The following RBFOX1 variants were observed in gnomAD, a reference collection of about 807,000 sequenced individuals.
RBFOX1 encodes the protein RNA binding protein fox-1 homolog 1.
A neutral mutation model predicts 57.7 loss-of-function variants in RBFOX1; 8 were observed. The observed-to-expected ratio is 0.14, with a 90% confidence interval of 0.08 to 0.25. The LOEUF is 0.25. Among genes scored for constraint, RBFOX1 ranks in the 10% least tolerant of loss-of-function variants. The pLI is 1.00. For synonymous variants in RBFOX1, 326 were observed against 222.4 expected (o/e 1.47, Z -4.15); for missense variants, 611 against 548.5 (o/e 1.11, Z -1.14).
rs527827643 is a variant in RBFOX1 at position 6,672,440 on chromosome 16, AAG to A, written c.-16+17794_-16+17795del. On this transcript the variant is annotated intron_variant, in intron 3 of 15. Transcript: ENST00000550418. The stretch of plus-strand genomic sequence containing the variant: ...GATGGAAGGAAGGAAAAAGAAAAGA[AAG>A]AGAAAAGAAAGGAAAGGAAGGAAAG... Among the ~76,000 whole-genome samples, 486 of 151,790 alleles carry A rather than the reference AAG, an allele frequency of 3.2e-3. 3 individuals are homozygous for A. In the Middle Eastern group the frequency reaches 0.034, roughly 11 times the overall value.
intron 13 of RBFOX1, among the ~76,000 whole-genome samples, chr16:7,673,467 G>T (rs186430792): frequency 1.3e-5 from 2 of 152,194 alleles, no homozygotes; most frequent in African/African-American, 4.8e-5. Context: ...AGCACTTTGG[G>T]AGGCTGAATT....
At chr16:6,061,229 T>G (rs569440366) in intron 1 of RBFOX1, among the ~76,000 whole-genome samples, 71 of 152,212 alleles carry the variant, frequency 4.7e-4, no homozygotes, top group Middle Eastern at 3.4e-3. Context: ...AGCAATTGAT[T>G]AATAGATCTA....
intron 4 of RBFOX1, among the ~76,000 whole-genome samples, chr16:7,222,019 G>A (rs996465534): frequency 3.9e-5 from 6 of 152,178 alleles, no homozygotes; most frequent in Admixed American, 6.5e-5. Context: ...TTATTAGCCA[G>A]CCTGTCAGTC....
At chr16:6,397,555 T>G (rs185755046) in intron 2 of RBFOX1, among the ~76,000 whole-genome samples, 31 of 152,308 alleles carry the variant, frequency 2.0e-4, no homozygotes, top group Admixed American at 3.9e-4. Flanking sequence ...AAGGGTATCT[T>G]CAGAGTGAAA....
intron 2 of RBFOX1, chr16:6,576,940 C>T (rs1489254099): frequency 6.6e-6 from 1 of 152,176 alleles, no homozygotes. Flanking sequence ...AAAGAACCAC[C>T]CATCTAGGGA....
intron 4 of RBFOX1, among the ~76,000 whole-genome samples, chr16:7,080,028 A>ATGTG (rs2058919265): frequency 9.1e-6 from 1 of 109,586 alleles, no homozygotes; most frequent in African/African-American, 3.0e-5. Flanking sequence ...ATATACGTAT[A>ATGTG]TATGTATATA....
At chr16:7,419,442 C>T (rs1275792675) in intron 4 of RBFOX1, among the ~76,000 whole-genome samples, 2 of 152,230 alleles carry the variant, frequency 1.3e-5, no homozygotes, top group Non-Finnish European at 2.9e-5. Flanking sequence ...CCCGCCTTGG[C>T]GCAATGCAAC....
At chr16:5,365,094 C>T (rs1317915699) in intron 1 of RBFOX1, among the ~76,000 whole-genome samples, 1 of 152,040 alleles carries the variant, frequency 6.6e-6, no homozygotes, top group African/African-American at 2.4e-5. Flanking sequence ...CTTTTAATGA[C>T]CTACTTACTG....
intron 4 of RBFOX1, among the ~76,000 whole-genome samples, chr16:7,325,639 A>G (rs117440288): frequency 3.3e-4 from 50 of 152,094 alleles, no homozygotes; most frequent in East Asian, 5.8e-4. Context: ...GAGATTTCCA[A>G]TGGGGGTGGT....
chr16:5,758,409 C>T (rs2053474509), intron 3 of RBFOX1, among the ~76,000 whole-genome samples: 1 of 152,154 alleles, frequency 6.6e-6, no homozygotes, highest in African/African-American at 2.4e-5. Flanking sequence ...GCATGAAAAG[C>T]ATCTCTTAGA....
At chr16:7,432,078 G>T (rs1598299788) in intron 4 of RBFOX1, among the ~76,000 whole-genome samples, 1 of 152,328 alleles carries the variant, frequency 6.6e-6, no homozygotes, top group East Asian at 1.9e-4. Context: ...CAGCAGTGGG[G>T]GCAGATGGGT....
chr16:6,734,333 C>T (rs1463940348), intron 3 of RBFOX1, among the ~76,000 whole-genome samples: 1 of 152,198 alleles, frequency 6.6e-6, no homozygotes, highest in Non-Finnish European at 1.5e-5. Flanking sequence ...AGACTATCCT[C>T]TGGGCTCAGT....
At chr16:5,550,045 G>A (rs576878870) in intron 2 of RBFOX1, among the ~76,000 whole-genome samples, 2 of 152,312 alleles carry the variant, frequency 1.3e-5, no homozygotes, top group South Asian at 4.1e-4. Flanking sequence ...ACTGTTTCTC[G>A]CAGATGAAAT....
At chr16:5,648,205 C>G (rs940138930) in intron 3 of RBFOX1, among the ~76,000 whole-genome samples, 1 of 152,076 alleles carries the variant, frequency 6.6e-6, no homozygotes, top group East Asian at 1.9e-4. Context: ...ACAATACATA[C>G]GATATGCAGG....
At chr16:5,653,144 T>C (rs1596599046) in intron 3 of RBFOX1, among the ~76,000 whole-genome samples, 1 of 151,714 alleles carries the variant, frequency 6.6e-6, no homozygotes, top group African/African-American at 2.4e-5. Context: ...GTGCTGGCCT[T>C]CTGTGCGGAA....
rs550518688 is a variant in RBFOX1, at chr16:6,080,356, C to T, written c.-127+60364C>T. ...CTCTGACCTTCAGGGTTCCAGCTCT[C>T]ACCTAAGTTCAGCCAGTGTGTGAAT... On this transcript the variant is annotated intron_variant, in intron 1 of 15. Transcript: ENST00000550418. Among the ~76,000 whole-genome samples the T allele has an allele frequency of 3.9e-5, 6 of 152,286 alleles. No individual in the cohort carries two copies. In the South Asian group the frequency reaches 1.0e-3, roughly 26 times the overall value.
chr16:5,713,403 T>C (rs1206531611), intron 3 of RBFOX1, among the ~76,000 whole-genome samples: 3 of 152,098 alleles, frequency 2.0e-5, no homozygotes, highest in Non-Finnish European at 4.4e-5. Context: ...ACCATAGAGA[T>C]TGGTGAAACT....
chr16:7,634,579 C>G (rs1371026181), intron 11 of RBFOX1, among the ~76,000 whole-genome samples: 1 of 152,056 alleles, frequency 6.6e-6, no homozygotes, highest in Non-Finnish European at 1.5e-5. Context: ...GAGGTTTTCT[C>G]CCCCATTAAG....
At chr16:7,536,951 G>A (rs1277232079) in intron 5 of RBFOX1, among the ~76,000 whole-genome samples, 4 of 152,232 alleles carry the variant, frequency 2.6e-5, no homozygotes, top group Admixed American at 2.6e-4. Flanking sequence ...GTGTAGCTGT[G>A]TGGACGGGCA....
Sources: allele counts gnomAD v4.1 joint callset (sites outside exome capture counted in the v4.1 genomes callset), GRCh38; gene constraint gnomAD v4.1.1; transcripts MANE v1.5; gene names NCBI Gene and HGNC (gene_info 2026-07-23, HGNC 2026-07-21).